The following PRKCE variants were observed in gnomAD, a reference collection of about 807,000 sequenced individuals.
The protein encoded by PRKCE is protein kinase C epsilon.
A neutral mutation model predicts 85.4 loss-of-function variants in PRKCE; 16 were observed. The observed-to-expected ratio is 0.19, with a 90% CI of 0.13 to 0.28. PRKCE has a LOEUF of 0.28. Ranked by LOEUF, PRKCE falls within the 10% of genes least tolerant of loss-of-function variation. The pLI is 1.00. For synonymous variants in PRKCE, 388 were observed against 371.5 expected, an observed-to-expected ratio of 1.04 and a Z score of -0.51; for missense variants, 573 against 975.2, an observed-to-expected ratio of 0.59 and a Z score of 5.49.
chr2:45,949,578 G>A (rs1423602913), intron 2 of PRKCE, among the ~76,000 whole-genome samples: 2 of 151,232 alleles, frequency 1.3e-5, no homozygotes, highest in East Asian at 3.9e-4. Context: ...AATGATCATA[G>A]TTGGTGTTTG....
At chr2:45,954,590 A>C (rs1309811566) in intron 2 of PRKCE, among the ~76,000 whole-genome samples, 2 of 152,238 alleles carry the variant, frequency 1.3e-5, no homozygotes, top group Admixed American at 6.5e-5. Flanking sequence ...TATTAACTCA[A>C]GATGCTTGGC....
chr2:45,741,445 A>G (rs1878383), intron 1 of PRKCE, among the ~76,000 whole-genome samples: 50,264 of 151,524 alleles, frequency 0.33, 8,723 homozygotes, highest in Admixed American at 0.41. Context: ...AAATATCAGA[A>G]TCTTCCTGGG....
At position 46,005,124 on chromosome 2, in the gene PRKCE, G is replaced by T. The variant is rs572934084; in HGVS notation, c.1063+486G>T. ...CTTCTATCCTGGCCTTTGGGTGGGTGAGGATAGAAAGATGAAGCTAGAGGA... is the reference window on the plus strand; with the variant it reads ...CTTCTATCCTGGCCTTTGGGTGGGTTAGGATAGAAAGATGAAGCTAGAGGA... On this transcript the variant is annotated intron_variant, in intron 8 of 14. Coordinates refer to ENST00000306156, the MANE Select transcript of PRKCE (RefSeq NM_005400.3). Among the ~76,000 whole-genome samples, 366 of 152,312 alleles carry T rather than the reference G, an allele frequency of 2.4e-3. 5 individuals carry two copies. Among genetic ancestry groups the T allele is most frequent in the Admixed American group, 9.2e-3 (141 of 15,308 alleles).
intron 1 of PRKCE, among the ~76,000 whole-genome samples, chr2:45,659,668 C>T (rs2103732884): frequency 6.6e-6 from 1 of 152,292 alleles, no homozygotes; most frequent in Non-Finnish European, 1.5e-5. Flanking sequence ...TACCATGCTC[C>T]TGCCTCAGTC....
intron 11 of PRKCE, among the ~76,000 whole-genome samples, chr2:46,114,297 AG>A (rs1337042898): frequency 1.3e-5 from 2 of 151,066 alleles, no homozygotes; most frequent in African/African-American, 4.9e-5. Flanking sequence ...TCCAGCGATC[AG>A]GGGGGCTTTG....
At chr2:45,909,286 T>A (rs1697207196) in intron 2 of PRKCE, among the ~76,000 whole-genome samples, 1 of 152,200 alleles carries the variant, frequency 6.6e-6, no homozygotes, top group Non-Finnish European at 1.5e-5. Flanking sequence ...AAGGCTCCAA[T>A]TGGTTTATGA....
Position 45,703,023 on chromosome 2 carries a change from C to CCG in PRKCE, c.348+50576_348+50577insGC, listed in dbSNP as rs367991692. Among the ~76,000 whole-genome samples, 138 of 150,678 alleles carry CCG rather than the reference C, an allele frequency of 9.2e-4. 2 individuals carry two copies. The highest frequency in any genetic ancestry group is 8.9e-3 in the Admixed American group (135 of 15,138). The stretch of plus-strand genomic sequence containing the variant: ...AGTTTTCTTGAGAAAGCCTTTTTTC[C>CCG]CCCCCCGTCAGGAAGTCAGTCCTTA... On this transcript the variant is annotated intron_variant, in intron 1 of 14. Transcript: ENST00000306156.
chr2:45,911,193 G>T (rs1257686151), intron 2 of PRKCE, among the ~76,000 whole-genome samples: 1 of 152,206 alleles, frequency 6.6e-6, no homozygotes, highest in Non-Finnish European at 1.5e-5. Context: ...ATTTCCAGGG[G>T]AAATGCTTAT....
chr2:45,822,746 A>G (rs1390869208), intron 1 of PRKCE, among the ~76,000 whole-genome samples: 3 of 152,100 alleles, frequency 2.0e-5, no homozygotes, highest in Admixed American at 1.3e-4. Context: ...CATTGCTAAG[A>G]CTTTTCTATA....
chr2:46,127,116 T>C (rs1673939351), intron 11 of PRKCE, among the ~76,000 whole-genome samples: 1 of 152,184 alleles, frequency 6.6e-6, no homozygotes, highest in Non-Finnish European at 1.5e-5. Context: ...TGGTTAGCTC[T>C]AGGGGAATTC....
chr2:45,819,327 A>G (rs987202258), intron 1 of PRKCE, among the ~76,000 whole-genome samples: 1 of 152,162 alleles, frequency 6.6e-6, no homozygotes, highest in Admixed American at 6.5e-5. Flanking sequence ...CTGGCTCCCA[A>G]TCCCATGTGG....
chr2:46,097,424 G>A (rs1303326052), intron 11 of PRKCE, among the ~76,000 whole-genome samples: 1 of 151,862 alleles, frequency 6.6e-6, no homozygotes, highest in African/African-American at 2.4e-5. Flanking sequence ...GGAGGCTGAG[G>A]CAGGAGAATG....
intron 6 of PRKCE, among the ~76,000 whole-genome samples, chr2:46,000,396 T>C (rs963094005): frequency 2.6e-5 from 4 of 151,806 alleles, no homozygotes; most frequent in African/African-American, 7.3e-5. Flanking sequence ...TAGAGTGGGC[T>C]GGAGTTGGGG....
At chr2:45,818,583 C>T (rs189570740) in intron 1 of PRKCE, among the ~76,000 whole-genome samples, 1 of 152,298 alleles carries the variant, frequency 6.6e-6, no homozygotes, top group East Asian at 1.9e-4. Flanking sequence ...TTCTACCCTC[C>T]TTTCATCCTC....
intron 1 of PRKCE, among the ~76,000 whole-genome samples, chr2:45,794,844 T>TTCC (rs1195014020): frequency 3.6e-5 from 3 of 83,104 alleles, no homozygotes; most frequent in Non-Finnish European, 4.4e-5. Context: ...ATTATTGCCC[T>TTCC]ACCCCCCCCC....
chr2:45,765,366 G>C (rs1684829988), intron 1 of PRKCE, among the ~76,000 whole-genome samples: 1 of 152,206 alleles, frequency 6.6e-6, no homozygotes, highest in Admixed American at 6.5e-5. Context: ...TCTCCAGGTT[G>C]GGTTGTAAGG....
intron 11 of PRKCE, among the ~76,000 whole-genome samples, chr2:46,087,233 A>G (rs1229017630): frequency 6.6e-6 from 1 of 151,718 alleles, no homozygotes; most frequent in Non-Finnish European, 1.5e-5. Flanking sequence ...AAGTATGGAC[A>G]TCATCTTGGT....
chr2:45,947,314 G>A lies in PRKCE; in HGVS notation c.413-29115G>A, dbSNP rs140575483. ...TAGTGATTGCCAGGAGCCAGGGGGT[G>A]GGGGAGAGAGGCAGGCGTGAATGAG... On this transcript the variant is annotated intron_variant, in intron 2 of 14. Coordinates refer to ENST00000306156, the MANE Select transcript of PRKCE (RefSeq NM_005400.3). 5.2e-3 allele frequency among the ~76,000 whole-genome samples: 798 copies of A among 152,222 alleles called. 5 individuals are homozygous for A. The highest frequency in any genetic ancestry group is 8.2e-3 in the Non-Finnish European group (558 of 68,012).
chr2:46,179,388 TAGGCCTCAGAGCTGCCTGAGCTCTGAGGC>T (rs1439999043), intron 14 of PRKCE, among the ~76,000 whole-genome samples: 9 of 152,080 alleles, frequency 5.9e-5, no homozygotes, highest in Non-Finnish European at 1.3e-4. Context: ...GCTGAGTCTC[TAGGCCTCAGAGCTGCCTGAGCTCTGAGGC>T]AGGCCCAGTC....
Sources: allele counts gnomAD v4.1 joint callset (sites outside exome capture counted in the v4.1 genomes callset), GRCh38; gene constraint gnomAD v4.1.1; transcripts MANE v1.5; gene names NCBI Gene and HGNC (gene_info 2026-07-23, HGNC 2026-07-21).